GPM6A: variants seen among roughly 807,000 people sequenced by gnomAD.
GPM6A encodes the protein glycoprotein M6A.
A neutral mutation model predicts 32.1 loss-of-function variants in GPM6A; 7 were observed. The observed-to-expected ratio is 0.22, with a 90% confidence interval of 0.12 to 0.41. The LOEUF (loss-of-function observed/expected upper bound fraction) is 0.41. Among genes scored for constraint, GPM6A ranks in the 10% least tolerant of loss-of-function variants. The pLI is 1.00. For missense variants in GPM6A, 235 were observed against 347.2 expected (o/e 0.68, Z 2.57); for synonymous variants, 130 against 123.4 (o/e 1.05, Z -0.35).
chr4:175,664,306 A>C (rs921767789), intron 3 of GPM6A, among the ~76,000 whole-genome samples: 5 of 152,178 alleles, frequency 3.3e-5, no homozygotes, highest in South Asian at 4.1e-4. Context: ...AGAATGTACA[A>C]CACCAAGAAT....
intron 1 of GPM6A, among the ~76,000 whole-genome samples, chr4:175,893,620 A>G (rs1737711083): frequency 6.6e-6 from 1 of 152,138 alleles, no homozygotes; most frequent in Non-Finnish European, 1.5e-5. Context: ...AGTTTTTCTT[A>G]AACTACCCCC....
chr4:175,637,712 TA>T (rs1489633082), intron 6 of GPM6A, among the ~76,000 whole-genome samples: 29 of 2,756 alleles, frequency 0.011, no homozygotes, highest in African/African-American at 0.029. Context: ...ATATTATATA[TA>T]TTTATATATA....
intron 1 of GPM6A, among the ~76,000 whole-genome samples, chr4:175,750,975 C>T (rs1299458257): frequency 4.6e-5 from 7 of 151,988 alleles, no homozygotes; most frequent in African/African-American, 9.7e-5. Flanking sequence ...TTCGTTTATT[C>T]GCAGATAAAG....
chr4:175,770,979 G>A (rs1733165127), intron 1 of GPM6A, among the ~76,000 whole-genome samples: 1 of 152,148 alleles, frequency 6.6e-6, no homozygotes, highest in South Asian at 2.1e-4. Flanking sequence ...CAGATAACAA[G>A]AAAAGTACTT....
chr4:175,966,239 T>C (rs1005959221), intron 1 of GPM6A, among the ~76,000 whole-genome samples: 1 of 151,710 alleles, frequency 6.6e-6, no homozygotes, highest in African/African-American at 2.4e-5. Flanking sequence ...CTGTCTCTAC[T>C]AAAAATACAA....
Position 175,709,680 on chromosome 4 carries a change from A to T in GPM6A, c.38-7913T>A, listed in dbSNP as rs192187323. Among the ~76,000 whole-genome samples, 694 of 149,538 alleles carry T rather than the reference A, an allele frequency of 4.6e-3. 6 individuals carry two copies. The highest frequency in any genetic ancestry group is 7.7e-3 in the South Asian group (36 of 4,674). On this transcript the variant is annotated intron_variant, in intron 1 of 6. Coordinates refer to ENST00000393658, the MANE Select transcript of GPM6A (RefSeq NM_201591.3). ...GAGGTGGAAGTTTCAGTGAGCCGAGATCATGCCATTGCACTCCAGCCTGGG... is the reference window on the plus strand; with the variant it reads ...GAGGTGGAAGTTTCAGTGAGCCGAGTTCATGCCATTGCACTCCAGCCTGGG...
chr4:175,656,381 G>T (rs1270244678), intron 3 of GPM6A, among the ~76,000 whole-genome samples: 1 of 152,024 alleles, frequency 6.6e-6, no homozygotes, highest in Non-Finnish European at 1.5e-5. Flanking sequence ...TTTCCTGCTT[G>T]ATTTTTGTTT....
At chr4:175,945,693 T>C (rs893956241) in intron 1 of GPM6A, among the ~76,000 whole-genome samples, 3 of 150,902 alleles carry the variant, frequency 2.0e-5, no homozygotes, top group East Asian at 3.9e-4. Flanking sequence ...ATATAACTTA[T>C]ATTACTTGTA....
chr4:175,839,753 C>A (rs1208571959), intron 1 of GPM6A, among the ~76,000 whole-genome samples: 1 of 152,074 alleles, frequency 6.6e-6, no homozygotes, highest in Non-Finnish European at 1.5e-5. Flanking sequence ...AGTTATTAAT[C>A]ATTGTTAATT....
intron 1 of GPM6A, among the ~76,000 whole-genome samples, chr4:175,862,934 G>T (rs1736617463): frequency 6.6e-6 from 1 of 152,070 alleles, no homozygotes; most frequent in South Asian, 2.1e-4. Context: ...CCCGCACCAT[G>T]AATATCAGCA....
chr4:175,931,714 ATATAT>A (rs1739053354), intron 1 of GPM6A, among the ~76,000 whole-genome samples: 1 of 135,808 alleles, frequency 7.4e-6, no homozygotes, highest in African/African-American at 2.8e-5. Context: ...ACACACATAT[ATATAT>A]ATATATATAG....
chr4:175,727,345 G>C (rs1005448335), intron 1 of GPM6A, among the ~76,000 whole-genome samples: 3 of 152,126 alleles, frequency 2.0e-5, no homozygotes, highest in Admixed American at 1.3e-4. Flanking sequence ...CAGTGTAAAA[G>C]TTGAAGAATA....
At chr4:175,879,063 G>A (rs1425950753) in intron 1 of GPM6A, among the ~76,000 whole-genome samples, 4 of 152,132 alleles carry the variant, frequency 2.6e-5, no homozygotes, top group Non-Finnish European at 5.9e-5. Flanking sequence ...CTAAAGCATA[G>A]CAAGAGACAC....
chr4:175,704,565 C>T (rs1745069132), intron 1 of GPM6A, among the ~76,000 whole-genome samples: 1 of 152,084 alleles, frequency 6.6e-6, no homozygotes, highest in Non-Finnish European at 1.5e-5. Flanking sequence ...CAATTTCCAC[C>T]TCACTGATTA....
chr4:175,738,313 A>T (rs142775219), intron 1 of GPM6A, among the ~76,000 whole-genome samples: 3 of 152,188 alleles, frequency 2.0e-5, no homozygotes, highest in African/African-American at 7.2e-5. Flanking sequence ...CATGTCAGCC[A>T]CCCAACATCA....
intron 1 of GPM6A, among the ~76,000 whole-genome samples, chr4:175,944,843 G>A (rs762432474): frequency 3.3e-5 from 5 of 151,866 alleles, no homozygotes; most frequent in Middle Eastern, 3.2e-3. Context: ...CTAATAATGC[G>A]TTTTGTAGGC....
chr4:175,810,014 G>C (rs952624889), intron 1 of GPM6A, among the ~76,000 whole-genome samples: 4 of 152,146 alleles, frequency 2.6e-5, no homozygotes, highest in African/African-American at 7.2e-5. Context: ...TGTGCTATTT[G>C]AATTATTGTT....
chr4:175,678,854 T>C (rs889993346), intron 2 of GPM6A, among the ~76,000 whole-genome samples: 2 of 152,170 alleles, frequency 1.3e-5, no homozygotes, highest in Non-Finnish European at 2.9e-5. Flanking sequence ...TAATTTCAAA[T>C]TTACAGAAAA....
chr4:175,940,302 C>T (rs1212807761), intron 1 of GPM6A, among the ~76,000 whole-genome samples: 1 of 151,704 alleles, frequency 6.6e-6, no homozygotes, highest in Non-Finnish European at 1.5e-5. Flanking sequence ...TCACAGAAAA[C>T]TTACCTATAG....
Sources: gnomAD v4.1 joint callset for allele counts (sites outside exome capture counted in the v4.1 genomes callset) on GRCh38, gnomAD v4.1.1 for gene constraint, MANE v1.5 for transcripts, NCBI Gene and HGNC (gene_info 2026-07-23, HGNC 2026-07-21) for gene names.